Variants in AIG1 observed in about 807,000 individuals in gnomAD.
AIG1 encodes the protein androgen induced 1.
Under a neutral mutation model 31.4 loss-of-function variants are expected in AIG1, and 23 were observed. The ratio of observed to expected loss-of-function variants is 0.73; its 90% confidence interval spans 0.53 to 1.04. AIG1 has a LOEUF of 1.04. AIG1 is among the 50% of genes least tolerant of loss of function. The pLI is 0.00. For missense variants in AIG1, 274 were observed against 295.0 expected (o/e 0.93, Z 0.52); for synonymous variants, 100 against 110.5 (o/e 0.90, Z 0.60).
chr6:143,132,618 C>G (rs578163901), intron 1 of AIG1, among the ~76,000 whole-genome samples: 1 of 151,614 alleles, frequency 6.6e-6, no homozygotes, highest in East Asian at 1.9e-4. Flanking sequence ...TTTCAGAAAA[C>G]TTCGAAAAAC....
intron 3 of AIG1, among the ~76,000 whole-genome samples, chr6:143,255,003 C>T (rs1371372330): frequency 1.3e-5 from 2 of 152,162 alleles, no homozygotes; most frequent in Admixed American, 6.5e-5. Flanking sequence ...CATTCTGCTG[C>T]ACTCCAGCCT....
chr6:143,063,491 C>G (rs968307634), intron 1 of AIG1, among the ~76,000 whole-genome samples: 1 of 152,140 alleles, frequency 6.6e-6, no homozygotes, highest in African/African-American at 2.4e-5. Context: ...GATTTAGAAT[C>G]CTTAGAGCTT....
intron 1 of AIG1, among the ~76,000 whole-genome samples, chr6:143,080,269 A>G (rs1195535384): frequency 1.3e-5 from 2 of 152,134 alleles, no homozygotes; most frequent in African/African-American, 4.8e-5. Flanking sequence ...AATGTCATCA[A>G]CATTGGAGCA....
intron 1 of AIG1, among the ~76,000 whole-genome samples, chr6:143,082,549 A>G (rs1189052268): frequency 2.0e-5 from 3 of 152,228 alleles, no homozygotes; most frequent in Admixed American, 1.3e-4. Flanking sequence ...CCCCTTTAGC[A>G]GTGAGTATGC....
intron 3 of AIG1, among the ~76,000 whole-genome samples, chr6:143,185,522 C>T (rs1189936636): frequency 6.6e-6 from 1 of 152,224 alleles, no homozygotes; most frequent in African/African-American, 2.4e-5. Flanking sequence ...CTCATGCATG[C>T]ATCACCTCTC....
intron 4 of AIG1, among the ~76,000 whole-genome samples, chr6:143,304,975 A>G (rs1440360947): frequency 6.6e-6 from 1 of 152,130 alleles, no homozygotes; most frequent in African/African-American, 2.4e-5. Context: ...GTGTCCAGGA[A>G]TTTATCCATT....
At chr6:143,171,411 T>TATATATATATAATATATATA (rs1233072951) in intron 3 of AIG1, among the ~76,000 whole-genome samples, 3 of 123,182 alleles carry the variant, frequency 2.4e-5, no homozygotes, top group South Asian at 2.7e-4. Flanking sequence ...ATAGTGTGTG[T>TATATATATATAATATATATA]ATATATATAT....
chr6:143,191,661 G>A (rs1789800666), intron 3 of AIG1, among the ~76,000 whole-genome samples: 1 of 152,102 alleles, frequency 6.6e-6, no homozygotes, highest in African/African-American at 2.4e-5. Context: ...ACATGGGAAG[G>A]TATGGGAAAG....
At chr6:143,286,032 A>C (rs1797661403) in intron 4 of AIG1, among the ~76,000 whole-genome samples, 1 of 148,148 alleles carries the variant, frequency 6.8e-6, no homozygotes, top group Non-Finnish European at 1.5e-5. Flanking sequence ...CCCACCCCAA[A>C]TACGGTCTTG....
chr6:143,334,188 A>G lies in AIG1; in HGVS notation c.679+743A>G. The G allele has an allele frequency of 1.6e-6, 2 of 1,290,214 alleles. No homozygotes were observed. Among genetic ancestry groups the G allele is most frequent in the Non-Finnish European group, 2.1e-6 (2 of 934,656 alleles). 79.9% of individuals were successfully genotyped at this position (1,290,214 alleles called of 1,614,324 possible). On this transcript the variant is annotated intron_variant, in intron 5 of 5. Coordinates refer to ENST00000357847, the MANE Select transcript of AIG1 (RefSeq NM_016108.4). This position sits in a 1 kb window ranked among gnomAD's most constrained non-coding sequence, Gnocchi z 5.1. ...AGGTGGAAAAAGCGCCAGCACAGAC[A>G]TGTAGTGATTGAGTCCTGCATGAAA...
At chr6:143,117,757 C>T (rs1397662225) in intron 1 of AIG1, among the ~76,000 whole-genome samples, 1 of 152,044 alleles carries the variant, frequency 6.6e-6, no homozygotes, top group African/African-American at 2.4e-5. Context: ...GAGAAGAGCT[C>T]CAACGACTGA....
At chr6:143,170,122 C>T (rs1787348465) in intron 3 of AIG1, among the ~76,000 whole-genome samples, 1 of 151,938 alleles carries the variant, frequency 6.6e-6, no homozygotes, top group South Asian at 2.1e-4. Context: ...AGGAATAATG[C>T]CCTCCCCTTT....
chr6:143,343,487 C>T (rs1379949145), downstream of AIG1: 1 of 258,754 alleles, frequency 3.9e-6, no homozygotes, highest in Non-Finnish European at 7.7e-6. Context: ...CTGGAAGACG[C>T]CAGCATCTGG....
At chr6:143,112,937 T>G (rs1390616850) in intron 1 of AIG1, among the ~76,000 whole-genome samples, 2 of 152,194 alleles carry the variant, frequency 1.3e-5, no homozygotes, top group Non-Finnish European at 2.9e-5. Context: ...TAGTTGAGAC[T>G]TGAAAAAATA....
chr6:143,285,969 C>T (rs1435704090), intron 4 of AIG1, among the ~76,000 whole-genome samples: 5 of 152,262 alleles, frequency 3.3e-5, no homozygotes, highest in Admixed American at 2.6e-4. Flanking sequence ...ATGTTTAAAA[C>T]ATACCTGGAA....
chr6:143,220,467 G>A (rs187653992), intron 3 of AIG1, among the ~76,000 whole-genome samples: 6 of 152,224 alleles, frequency 3.9e-5, no homozygotes, highest in Admixed American at 2.0e-4. Context: ...AACACGAGAC[G>A]TTGATATTAT....
At chr6:143,343,805 A>T (rs529892741), downstream of AIG1, among the ~76,000 whole-genome samples, 40 of 152,242 alleles carry the variant, frequency 2.6e-4, no homozygotes, top group African/African-American at 9.6e-4. Context: ...GGCTTGTTCT[A>T]TGGATTATTT....
chr6:143,178,082 T>A (rs571326789), intron 3 of AIG1, among the ~76,000 whole-genome samples: 1 of 152,308 alleles, frequency 6.6e-6, no homozygotes, highest in East Asian at 1.9e-4. Flanking sequence ...TTCAGGCAGG[T>A]AGCTCTTGGA....
At chr6:143,192,969 G>T (rs1789926876) in intron 3 of AIG1, among the ~76,000 whole-genome samples, 1 of 152,166 alleles carries the variant, frequency 6.6e-6, no homozygotes, top group African/African-American at 2.4e-5. Flanking sequence ...CCCTGAGGGG[G>T]AGGAATCATC....
Sources: gnomAD v4.1 joint callset for allele counts (sites outside exome capture counted in the v4.1 genomes callset) on GRCh38, gnomAD v4.1.1 for gene constraint, Gnocchi (gnomAD v3.1) non-coding constraint, MANE v1.5 for transcripts, NCBI Gene and HGNC (gene_info 2026-07-23, HGNC 2026-07-21) for gene names.